The following ATXN1 variants were observed in gnomAD, a reference collection of about 807,000 sequenced individuals.
ATXN1 encodes ataxin-1.
ATXN1 carries 8 observed loss-of-function variants against 56.4 expected under a neutral mutation model. The ratio of observed to expected loss-of-function variants is 0.14; its 90% CI spans 0.08 to 0.26. The LOEUF (loss-of-function observed/expected upper bound fraction) is 0.26, where lower values mean the gene tolerates loss of function less well. Ranked by LOEUF, ATXN1 falls within the 10% of genes least tolerant of loss-of-function variation. ATXN1 has a pLI of 1.00. For synonymous variants in ATXN1, 514 were observed against 494.6 expected, an observed-to-expected ratio of 1.04 and a Z score of -0.52; for missense variants, 987 against 1,106.5, an observed-to-expected ratio of 0.89 and a Z score of 1.53.
chr6:16,323,734 G>A (rs1049296099), intron 7 of ATXN1, among the ~76,000 whole-genome samples: 1 of 151,942 alleles, frequency 6.6e-6, no homozygotes, highest in Non-Finnish European at 1.5e-5. Flanking sequence ...AGGATTCTAA[G>A]TACCATGAAA....
intron 3 of ATXN1, among the ~76,000 whole-genome samples, chr6:16,624,624 A>AT (rs1217414346): frequency 5.3e-5 from 8 of 152,262 alleles, no homozygotes; most frequent in Middle Eastern, 3.4e-3. Flanking sequence ...GCATTGCACC[A>AT]TTTTTTTATT....
At chr6:16,607,369 A>T (rs1366684652) in intron 3 of ATXN1, among the ~76,000 whole-genome samples, 2 of 152,236 alleles carry the variant, frequency 1.3e-5, no homozygotes, top group Non-Finnish European at 2.9e-5. Context: ...TGGACATATA[A>T]GGGAGAATTA....
chr6:16,420,353 C>T (rs569346184), intron 6 of ATXN1, among the ~76,000 whole-genome samples: 12 of 152,202 alleles, frequency 7.9e-5, no homozygotes, highest in Non-Finnish European at 1.6e-4. Context: ...CATCAAAATG[C>T]ATTTACTGTC....
chr6:16,647,830 C>T (rs1394591812), intron 3 of ATXN1, among the ~76,000 whole-genome samples: 2 of 152,208 alleles, frequency 1.3e-5, no homozygotes, highest in African/African-American at 4.8e-5. Flanking sequence ...AATCCCAGCA[C>T]TTTGGGAGGC....
Position 16,395,270 on chromosome 6 carries a change from C to CAAAAAAAAA in ATXN1, c.-160-66809_-160-66801dup, listed in dbSNP as rs748314030. On this transcript the variant is annotated intron_variant, in intron 6 of 7. Coordinates refer to ENST00000436367, the MANE Select transcript of ATXN1 (RefSeq NM_001128164.2). ...GGCCAACAAGAGCGAAACTCCGTCT[C>CAAAAAAAAA]AAAAAAAAAAAAAAAAAAAAACAAG... Among the ~76,000 whole-genome samples, 61 of 48,438 alleles carry CAAAAAAAAA rather than the reference C, an allele frequency of 1.3e-3. 2 individuals carry two copies. Among genetic ancestry groups the CAAAAAAAAA allele is most frequent in the African/African-American group, 4.9e-3 (54 of 11,046 alleles). The allele number at this position is 48,438 out of a possible 152,430, so 31.8% of individuals were successfully genotyped here.
At chr6:16,707,491 T>C (rs994721631) in intron 2 of ATXN1, among the ~76,000 whole-genome samples, 1 of 152,188 alleles carries the variant, frequency 6.6e-6, no homozygotes, top group African/African-American at 2.4e-5. Flanking sequence ...ACCTAGATGG[T>C]CTCTCTGTCT....
chr6:16,456,909 T>A (rs993026468), intron 6 of ATXN1, among the ~76,000 whole-genome samples: 1 of 152,180 alleles, frequency 6.6e-6, no homozygotes, highest in Admixed American at 6.5e-5. Flanking sequence ...CTCCTCAGAC[T>A]AGCAGACCTA....
chr6:16,627,711 A>G (rs2113807051), intron 3 of ATXN1, among the ~76,000 whole-genome samples: 1 of 152,306 alleles, frequency 6.6e-6, no homozygotes, highest in Non-Finnish European at 1.5e-5. Context: ...TGGGTGGCAG[A>G]GCAAGACTCC....
intron 6 of ATXN1, among the ~76,000 whole-genome samples, chr6:16,442,496 C>A (rs767843188): frequency 6.7e-6 from 1 of 150,182 alleles, no homozygotes; most frequent in Non-Finnish European, 1.5e-5. Context: ...TAAAAAAAAA[C>A]ACGCGGGAAG....
chr6:16,550,179 A>T (rs1350719388), intron 4 of ATXN1, among the ~76,000 whole-genome samples: 1 of 149,402 alleles, frequency 6.7e-6, no homozygotes, highest in African/African-American at 2.4e-5. Flanking sequence ...AAAAAAGAAT[A>T]GGCATGCAAT....
intron 2 of ATXN1, among the ~76,000 whole-genome samples, chr6:16,741,958 G>T (rs1012804477): frequency 6.6e-6 from 1 of 152,158 alleles, no homozygotes; most frequent in African/African-American, 2.4e-5. Context: ...AGTAGAGAAA[G>T]GTTCAAGGGG....
At chr6:16,316,863 G>GTTTTTTTTTTT (rs1561847571) in intron 7 of ATXN1, among the ~76,000 whole-genome samples, 4 of 84,240 alleles carry the variant, frequency 4.7e-5, no homozygotes, top group African/African-American at 2.5e-4. Flanking sequence ...GAGACTGCCT[G>GTTTTTTTTTTT]TCTTTTTTTT....
At chr6:16,517,370 C>A (rs972471529) in intron 5 of ATXN1, among the ~76,000 whole-genome samples, 1 of 152,304 alleles carries the variant, frequency 6.6e-6, no homozygotes, top group Middle Eastern at 3.4e-3. Context: ...CTCTTCATGT[C>A]CCCAGTTTCC....
chr6:16,487,109 G>A (rs1039167026), intron 5 of ATXN1, among the ~76,000 whole-genome samples: 5 of 152,028 alleles, frequency 3.3e-5, no homozygotes, highest in Admixed American at 1.3e-4. Flanking sequence ...AACTTATTTC[G>A]CCTTGTATAC....
rs77916634 is a variant in ATXN1 at position 16,305,275 on chromosome 6, A to G, written c.*1054T>C. ...ATTCCTCATGTCACACTGGAATCTG[A>G]AAAAAAAAAAAAGTGGCACCCGAGT... is the stretch of plus-strand genomic sequence containing the variant. On this transcript the variant is annotated 3_prime_UTR_variant, in exon 8 of 8. Transcript: ENST00000436367. 1 of 104,086 alleles carries G rather than the reference A, an allele frequency of 9.6e-6. No homozygotes were observed. Among genetic ancestry groups the G allele is most frequent in the African/African-American group, 2.8e-5 (1 of 36,298 alleles). 6.4% of individuals were successfully genotyped at this position (104,086 alleles called of 1,614,324 possible).
intron 3 of ATXN1, among the ~76,000 whole-genome samples, chr6:16,641,885 T>C (rs1290609671): frequency 6.6e-6 from 1 of 152,182 alleles, no homozygotes; most frequent in African/African-American, 2.4e-5. Flanking sequence ...AATATCAACA[T>C]GAACATCAGT....
chr6:16,647,953 GTAA>G (rs1763829363), intron 3 of ATXN1, among the ~76,000 whole-genome samples: 1 of 152,126 alleles, frequency 6.6e-6, no homozygotes, highest in Non-Finnish European at 1.5e-5. Context: ...GCAGGTGCCT[GTAA>G]TCCCAGCTAC....
intron 3 of ATXN1, among the ~76,000 whole-genome samples, chr6:16,596,548 T>A (rs1762818805): frequency 6.6e-6 from 1 of 152,176 alleles, no homozygotes; most frequent in South Asian, 2.1e-4. Flanking sequence ...TGACTTTGGA[T>A]TCCTATGTCA....
intron 4 of ATXN1, among the ~76,000 whole-genome samples, chr6:16,571,024 C>T (rs1762322728): frequency 6.6e-6 from 1 of 152,160 alleles, no homozygotes; most frequent in African/African-American, 2.4e-5. Context: ...GCCTGATTTC[C>T]CAATCCTTAT....
Sources: allele counts gnomAD v4.1 joint callset (sites outside exome capture counted in the v4.1 genomes callset), GRCh38; gene constraint gnomAD v4.1.1; transcripts MANE v1.5; gene names NCBI Gene and HGNC (gene_info 2026-07-23, HGNC 2026-07-21).